Variants in SMARCAD1 observed in about 807,000 individuals in gnomAD.
SMARCAD1 encodes SWI/SNF-related matrix-associated actin-dependent regulator of chromatin subfamily A containing DEAD/H box 1.
A neutral mutation model predicts 127.1 loss-of-function variants in SMARCAD1; 25 were observed. The observed-to-expected ratio is 0.20, with a 90% CI of 0.14 to 0.27. The LOEUF (loss-of-function observed/expected upper bound fraction) is 0.27. Among genes scored for constraint, SMARCAD1 ranks in the 10% least tolerant of loss-of-function variants. The probability of loss-of-function intolerance (pLI) is 1.00; values close to 1 mark genes in which losing one functional copy is unlikely to be tolerated. For synonymous variants in SMARCAD1, 400 were observed against 396.9 expected (o/e 1.01, Z -0.09); for missense variants, 807 against 1,206.0 (o/e 0.67, Z 4.90).
At chr4:94,288,576 T>G (rs966715001) in intron 23 of SMARCAD1, among the ~76,000 whole-genome samples, 3 of 152,076 alleles carry the variant, frequency 2.0e-5, no homozygotes, top group African/African-American at 7.2e-5. Context: ...TTTTGTTTTT[T>G]GTTTTTTTAA....
chr4:94,258,072 T>G (rs1750390411), intron 9 of SMARCAD1, among the ~76,000 whole-genome samples: 1 of 152,076 alleles, frequency 6.6e-6, no homozygotes, highest in African/African-American at 2.4e-5. Context: ...TTGTCTCGGT[T>G]TTTCTCTTTA....
intron 2 of SMARCAD1, among the ~76,000 whole-genome samples, chr4:94,224,984 G>C (rs11097407): frequency 0.3 from 45,431 of 152,046 alleles, 7,748 homozygotes; most frequent in East Asian, 0.71. Flanking sequence ...ACCAGGCACT[G>C]TGTTTACTTT....
At chr4:94,242,741 C>CAAA (rs35038953) in intron 6 of SMARCAD1, among the ~76,000 whole-genome samples, 58 of 127,578 alleles carry the variant, frequency 4.5e-4, no homozygotes, top group Non-Finnish European at 5.8e-4. Context: ...CCTGTCTCTG[C>CAAA]AAAAAAAAAA....
chr4:94,213,540 C>T (rs1429059948), intron 2 of SMARCAD1, among the ~76,000 whole-genome samples: 1 of 150,616 alleles, frequency 6.6e-6, no homozygotes. Flanking sequence ...ATTTGGTACA[C>T]ATCATAGAGC....
chr4:94,276,990 A>G lies in SMARCAD1; in HGVS notation c.1945-32A>G, dbSNP rs769219051. 3.1e-6 allele frequency: 5 copies of G among 1,613,466 alleles called. 1 individual carries two copies. In the South Asian group the frequency reaches 5.5e-5, roughly 18 times the overall value. ...CATGAAAGGAGTGGCTCTTTAAGAA[A>G]AAGCTAATATAAATTTTACCTTCAT... On this transcript the variant is annotated intron_variant, in intron 15 of 23. Transcript: ENST00000354268.
chr4:94,279,165 A>C, intron 19 of SMARCAD1, 115 bp downstream of exon 19: 1 of 1,418,222 alleles, frequency 7.1e-7, no homozygotes, highest in Admixed American at 2.1e-5. Flanking sequence ...TTTAAGAAAA[A>C]CTTTTTTTTT....
chr4:94,208,809 C>T (rs1741693484), intron 2 of SMARCAD1, among the ~76,000 whole-genome samples: 1 of 152,146 alleles, frequency 6.6e-6, no homozygotes, highest in African/African-American at 2.4e-5. Context: ...AATATGGCCC[C>T]ATGGTGGAAG....
chr4:94,214,038 T>TA (rs1188049179), intron 2 of SMARCAD1, among the ~76,000 whole-genome samples: 1 of 152,102 alleles, frequency 6.6e-6, no homozygotes, highest in Non-Finnish European at 1.5e-5. Flanking sequence ...GTTTGGTATT[T>TA]AGTTGTCTAG....
At chr4:94,226,026 A>G (rs1328129654) in intron 2 of SMARCAD1, 93 bp from the exon 3 acceptor site, 20 of 1,074,528 alleles carry the variant, frequency 1.9e-5, no homozygotes, top group East Asian at 1.0e-4. Context: ...GAAACAATGA[A>G]TGAAATTTGA....
At chr4:94,281,383 A>C in intron 20 of SMARCAD1, 89 bp from the exon 21 acceptor site, 1 of 893,016 alleles carries the variant, frequency 1.1e-6, no homozygotes, top group Non-Finnish European at 1.9e-6. Flanking sequence ...AACATGATAT[A>C]AGTAACACTT....
chr4:94,281,410 G>A, intron 20 of SMARCAD1, 62 bp from the exon 21 acceptor site: 1 of 1,124,756 alleles, frequency 8.9e-7, no homozygotes. Flanking sequence ...GTTTAAACCT[G>A]TCAAGGCTTT....
chr4:94,208,495 C>T lies in SMARCAD1; in HGVS notation c.101C>T (p.Ser34Leu), dbSNP rs1269163525. 1 of 1,613,980 alleles carries T rather than the reference C, an allele frequency of 6.2e-7. No individual in the cohort carries two copies. Among genetic ancestry groups the T allele is most frequent in the African/African-American group, 1.3e-5 (1 of 74,900 alleles). The change falls in exon 2 of 24, where the codon TCA (serine) becomes TTA (leucine). Residue 34 changes from serine (S) to leucine (L), a missense_variant. Ser to Leu is a moderately radical substitution (Grantham distance 145). Around this residue, in one of 8 missense-constraint regions of SMARCAD1, gnomAD observed 175 missense variants for 169.5 expected, o/e 1.03. Transcript: ENST00000354268. ...CAACCTTCCCAGCCTGGCCCTTCTTCACCAATTTCTCTTAGTGCTGAAGAG... is the reference window on the plus strand; with the variant it reads ...CAACCTTCCCAGCCTGGCCCTTCTTTACCAATTTCTCTTAGTGCTGAAGAG... The part of the protein sequence containing the change: ...TPQPSQPGPS[S>L]PISLSAEEEN...
At chr4:94,278,567 T>A (rs375640893) in intron 17 of SMARCAD1, 49 bp from the exon 18 acceptor site, 84 of 1,610,484 alleles carry the variant, frequency 5.2e-5, no homozygotes, top group Admixed American at 8.3e-5. Context: ...AAAACTTAGG[T>A]TTTTCTCTTT....
chr4:94,225,971 A>T, intron 2 of SMARCAD1, 148 bp from the exon 3 acceptor site: 1 of 712,440 alleles, frequency 1.4e-6, no homozygotes, highest in Non-Finnish European at 2.3e-6. Flanking sequence ...GTTGATGATT[A>T]ATTTTTTTCT....
intron 9 of SMARCAD1, among the ~76,000 whole-genome samples, chr4:94,260,336 C>CT (rs1324034573): frequency 6.6e-6 from 1 of 152,134 alleles, no homozygotes; most frequent in East Asian, 1.9e-4. Flanking sequence ...AAAATTAATA[C>CT]TTTTTATTTT....
intron 6 of SMARCAD1, among the ~76,000 whole-genome samples, chr4:94,244,946 A>G (rs1444163788): frequency 6.6e-6 from 1 of 152,152 alleles, no homozygotes. Flanking sequence ...TTTAGATATT[A>G]ATTGCTGTTA....
chr4:94,284,387 T>C (rs1205449156), intron 22 of SMARCAD1, among the ~76,000 whole-genome samples: 1 of 146,130 alleles, frequency 6.8e-6, no homozygotes, highest in Non-Finnish European at 1.5e-5. Flanking sequence ...CACAGAACTG[T>C]TTGTTGTAAT....
At chr4:94,265,076 C>T (rs982786656) in intron 10 of SMARCAD1, among the ~76,000 whole-genome samples, 170 bp downstream of exon 10, 4 of 151,702 alleles carry the variant, frequency 2.6e-5, no homozygotes, top group African/African-American at 7.3e-5. Flanking sequence ...TCATTGATTT[C>T]CCCCACCCCC....
At chr4:94,210,907 C>T in intron 2 of SMARCAD1, among the ~76,000 whole-genome samples, 1 of 117,270 alleles carries the variant, frequency 8.5e-6, no homozygotes, top group African/African-American at 3.3e-5. Flanking sequence ...GCACTCCAGC[C>T]TGGGGGACAG....
Sources: allele counts gnomAD v4.1 joint callset (sites outside exome capture counted in the v4.1 genomes callset), GRCh38; gene constraint gnomAD v4.1.1; regional missense constraint gnomAD v4.1.1; transcripts MANE v1.5; gene names NCBI Gene and HGNC (gene_info 2026-07-23, HGNC 2026-07-21).